Variants in MLLT3 observed in about 807,000 individuals in gnomAD.
MLLT3 encodes protein AF-9.
In MLLT3, 4 loss-of-function variants were observed where a neutral mutation model predicts 53.2. The observed-to-expected ratio is 0.08, with a 90% CI of 0.04 to 0.17. MLLT3 has a LOEUF of 0.17. Among genes scored for constraint, MLLT3 ranks in the 10% least tolerant of loss-of-function variants. The pLI is 1.00. For missense variants in MLLT3, 569 were observed against 684.0 expected (o/e 0.83, Z 1.87); for synonymous variants, 283 against 230.6 (o/e 1.23, Z -2.06).
At position 20,470,782 on chromosome 9, in the gene MLLT3, G is replaced by A. The variant is rs148983071; in HGVS notation, c.194-13996C>T. On this transcript the variant is annotated intron_variant, in intron 2 of 10. Coordinates refer to ENST00000380338, the MANE Select transcript of MLLT3 (RefSeq NM_004529.4). ...CTGAACAATAGTACTTAACACCACA[G>A]GAAGAAAATTTTAATATTTTAAAAT... is the stretch of plus-strand genomic sequence containing the variant. Among the ~76,000 whole-genome samples the A allele has an allele frequency of 2.1e-4, 32 of 151,954 alleles. No homozygotes were observed. In the East Asian group the frequency reaches 5.0e-3, roughly 24 times the overall value.
intron 5 of MLLT3, among the ~76,000 whole-genome samples, chr9:20,391,600 A>G (rs1450886968): frequency 1.3e-5 from 2 of 152,200 alleles, no homozygotes; most frequent in Non-Finnish European, 2.9e-5. Flanking sequence ...TTATTTACTG[A>G]ATATTTTCAT....
chr9:20,466,187 T>C (rs760485686), intron 2 of MLLT3, among the ~76,000 whole-genome samples: 1 of 152,132 alleles, frequency 6.6e-6, no homozygotes, highest in African/African-American at 2.4e-5. Context: ...GATTTTGGAA[T>C]ATTTGCCTAT....
At chr9:20,483,020 G>A (rs530270975) in intron 2 of MLLT3, among the ~76,000 whole-genome samples, 9 of 151,784 alleles carry the variant, frequency 5.9e-5, no homozygotes, top group African/African-American at 2.2e-4. Context: ...GCTAAGAACT[G>A]AACTGACAAA....
chr9:20,523,538 C>T (rs1343429722), intron 2 of MLLT3, among the ~76,000 whole-genome samples: 1 of 152,102 alleles, frequency 6.6e-6, no homozygotes, highest in Non-Finnish European at 1.5e-5. Context: ...TTATTCAACA[C>T]TAAAAGGAAA....
At chr9:20,558,634 C>G (rs1347250774) in intron 2 of MLLT3, among the ~76,000 whole-genome samples, 3 of 152,078 alleles carry the variant, frequency 2.0e-5, no homozygotes, top group African/African-American at 7.2e-5. Context: ...ATTCCTGGAC[C>G]CCTAGAGAGG....
intron 2 of MLLT3, among the ~76,000 whole-genome samples, chr9:20,505,501 T>A (rs966009354): frequency 6.6e-6 from 1 of 152,172 alleles, no homozygotes; most frequent in Non-Finnish European, 1.5e-5. Flanking sequence ...AAAAATGGAA[T>A]CTGTACAAAG....
chr9:20,462,742 A>C (rs942570826), intron 2 of MLLT3, among the ~76,000 whole-genome samples: 1 of 152,122 alleles, frequency 6.6e-6, no homozygotes, highest in Non-Finnish European at 1.5e-5. Context: ...AGCTTTCCAA[A>C]AGCTAATGCT....
At chr9:20,539,766 A>T (rs1262029692) in intron 2 of MLLT3, among the ~76,000 whole-genome samples, 2 of 152,178 alleles carry the variant, frequency 1.3e-5, no homozygotes, top group Admixed American at 1.3e-4. Context: ...TCACACTGTG[A>T]GATCAATCAT....
At chr9:20,504,241 C>T (rs376723787) in intron 2 of MLLT3, among the ~76,000 whole-genome samples, 150 of 152,144 alleles carry the variant, frequency 9.9e-4, no homozygotes, top group African/African-American at 3.5e-3. Context: ...ATCTGTACTT[C>T]CATTTTCACT....
chr9:20,612,087 G>T (rs1820716963), intron 2 of MLLT3, among the ~76,000 whole-genome samples: 1 of 152,146 alleles, frequency 6.6e-6, no homozygotes, highest in South Asian at 2.1e-4. Flanking sequence ...TACAAAAGCA[G>T]CTATTGCTGA....
At chr9:20,567,637 T>C (rs1259152832) in intron 2 of MLLT3, among the ~76,000 whole-genome samples, 1 of 152,208 alleles carries the variant, frequency 6.6e-6, no homozygotes, top group Admixed American at 6.5e-5. Context: ...CACAACTTGG[T>C]CAACAGCCCT....
chr9:20,611,062 C>T (rs1293971137), intron 2 of MLLT3, among the ~76,000 whole-genome samples: 4 of 151,836 alleles, frequency 2.6e-5, no homozygotes, highest in Admixed American at 6.6e-5. Context: ...TAAAAAAGGT[C>T]GTAATTATTT....
chr9:20,490,383 T>C (rs1360489137), intron 2 of MLLT3, among the ~76,000 whole-genome samples: 1 of 152,186 alleles, frequency 6.6e-6, no homozygotes, highest in Non-Finnish European at 1.5e-5. Context: ...GATTCTAGCA[T>C]GAGAAGAATT....
At chr9:20,538,231 G>A (rs937064963) in intron 2 of MLLT3, among the ~76,000 whole-genome samples, 2 of 152,158 alleles carry the variant, frequency 1.3e-5, no homozygotes, top group African/African-American at 2.4e-5. Flanking sequence ...CACTTAATGA[G>A]TGCCAAGCAC....
At position 20,599,121 on chromosome 9, in the gene MLLT3, T is replaced by C. The variant is rs181887298; in HGVS notation, c.193+21533A>G. On this transcript the variant is annotated intron_variant, in intron 2 of 10. Transcript: ENST00000380338. ...GAGATCGAGACCATGCTAGCCAACA[T>C]GGTGAAACCCTGTCTCTACTAAAAA... is the stretch of plus-strand genomic sequence containing the variant. Among the ~76,000 whole-genome samples the C allele has an allele frequency of 5.5e-4, 83 of 152,162 alleles. 1 individual carries two copies. The East Asian group carries it at 0.014, about 26-fold the overall frequency.
intron 2 of MLLT3, among the ~76,000 whole-genome samples, chr9:20,474,088 T>G (rs1824462300): frequency 6.6e-6 from 1 of 152,130 alleles, no homozygotes; most frequent in Non-Finnish European, 1.5e-5. Context: ...GATTTCCAAG[T>G]GTCGGCTGGG....
chr9:20,420,229 A>G (rs1002295195), intron 4 of MLLT3, among the ~76,000 whole-genome samples: 1 of 152,244 alleles, frequency 6.6e-6, no homozygotes, highest in African/African-American at 2.4e-5. Context: ...AATAATGAAC[A>G]AGGTGAAAAG....
intron 2 of MLLT3, among the ~76,000 whole-genome samples, chr9:20,559,643 T>C (rs1025660572): frequency 6.6e-6 from 1 of 152,198 alleles, no homozygotes; most frequent in African/African-American, 2.4e-5. Flanking sequence ...CTTCACCCCT[T>C]TGAAATGCAT....
chr9:20,513,755 G>C (rs949843869), intron 2 of MLLT3, among the ~76,000 whole-genome samples: 4 of 152,210 alleles, frequency 2.6e-5, no homozygotes, highest in Non-Finnish European at 4.4e-5. Context: ...ACCGGGAGGA[G>C]GCAGGGAGTG....
Sources: gnomAD v4.1 joint callset for allele counts (sites outside exome capture counted in the v4.1 genomes callset) on GRCh38, gnomAD v4.1.1 for gene constraint, MANE v1.5 for transcripts, NCBI Gene and HGNC (gene_info 2026-07-23, HGNC 2026-07-21) for gene names.